RAI14: variants seen among roughly 807,000 people sequenced by gnomAD.
The protein encoded by RAI14 is ankycorbin.
RAI14 carries 45 observed loss-of-function variants against 115.4 expected under a neutral mutation model. The observed-to-expected ratio is 0.39, with a 90% CI of 0.31 to 0.50. The LOEUF (loss-of-function observed/expected upper bound fraction) is 0.50, where lower values mean the gene tolerates loss of function less well. RAI14 is among the 20% of genes least tolerant of loss of function. The pLI is 0.85. For synonymous variants in RAI14, 371 were observed against 415.4 expected, an observed-to-expected ratio of 0.89 and a Z score of 1.30; for missense variants, 939 against 1,131.2, an observed-to-expected ratio of 0.83 and a Z score of 2.44.
chr5:34,768,377 G>C (rs1749701224), intron 3 of RAI14, among the ~76,000 whole-genome samples: 1 of 152,116 alleles, frequency 6.6e-6, no homozygotes, highest in African/African-American at 2.4e-5. Context: ...TAAATACCTA[G>C]GTAACAAAAA....
intron 11 of RAI14, among the ~76,000 whole-genome samples, chr5:34,813,870 A>AG (rs1206348672): frequency 6.6e-6 from 1 of 152,242 alleles, no homozygotes; most frequent in African/African-American, 2.4e-5. Context: ...TTTTAAAAAA[A>AG]CAGTAGAATC....
intron 4 of RAI14, among the ~76,000 whole-genome samples, chr5:34,800,370 A>T (rs1215822719): frequency 6.6e-6 from 1 of 152,186 alleles, no homozygotes; most frequent in East Asian, 1.9e-4. Flanking sequence ...GCTGGAAGGC[A>T]CTTAGGATTG....
chr5:34,667,735 T>C (rs2149849915), intron 1 of RAI14, among the ~76,000 whole-genome samples: 2 of 152,018 alleles, frequency 1.3e-5, no homozygotes, highest in Middle Eastern at 3.4e-3. Flanking sequence ...AAGAAGAGGG[T>C]AAAAATTGGG....
chr5:34,799,274 C>T (rs1233414788), intron 4 of RAI14, among the ~76,000 whole-genome samples: 1 of 152,160 alleles, frequency 6.6e-6, no homozygotes, highest in Non-Finnish European at 1.5e-5. Flanking sequence ...TAGTGGTCAT[C>T]ACTAGTCCTA....
chr5:34,777,531 A>G (rs546537215), intron 3 of RAI14, among the ~76,000 whole-genome samples: 2 of 152,016 alleles, frequency 1.3e-5, no homozygotes, highest in East Asian at 3.9e-4. Context: ...TGTAATCCCA[A>G]CACTTTGGGA....
chr5:34,786,600 C>T (rs1752330703), intron 3 of RAI14, among the ~76,000 whole-genome samples: 1 of 152,178 alleles, frequency 6.6e-6, no homozygotes, highest in East Asian at 1.9e-4. Context: ...CAGTTGTTAC[C>T]CTGATGCTTC....
chr5:34,677,161 A>ATTTTTT (rs747450748), intron 1 of RAI14, among the ~76,000 whole-genome samples: 1 of 83,140 alleles, frequency 1.2e-5, no homozygotes, highest in East Asian at 5.5e-4. Flanking sequence ...TGACATTTCT[A>ATTTTTT]TTTTTTTTTT....
chr5:34,733,742 G>A (rs1294333340), intron 2 of RAI14, among the ~76,000 whole-genome samples: 2 of 152,208 alleles, frequency 1.3e-5, no homozygotes, highest in African/African-American at 4.8e-5. Flanking sequence ...TCACAGGGAA[G>A]GTGAATGAAC....
intron 3 of RAI14, among the ~76,000 whole-genome samples, chr5:34,782,265 G>C (rs1187777594): frequency 3.3e-5 from 5 of 152,112 alleles, no homozygotes; most frequent in African/African-American, 9.7e-5. Context: ...TTCCCAACAT[G>C]TCCCCCTTGT....
At position 34,720,634 on chromosome 5, in the gene RAI14, T is replaced by G. The variant is rs552987696; in HGVS notation, c.36+33679T>G. On this transcript the variant is annotated intron_variant, in intron 2 of 17. Transcript: ENST00000265109. ...ACCGTGTTAGCCAGGGTGGTCTCGA[T>G]CTCCTGACTTTGTGATCTGCCCACC... Among the ~76,000 whole-genome samples, 21 of 152,108 alleles carry G rather than the reference T, an allele frequency of 1.4e-4. No homozygotes were observed. In the East Asian group the frequency reaches 4.1e-3, roughly 30 times the overall value.
chr5:34,767,618 A>ACC (rs1211928594), intron 3 of RAI14, among the ~76,000 whole-genome samples: 4 of 41,132 alleles, frequency 9.7e-5, no homozygotes, highest in Non-Finnish European at 1.5e-4. Context: ...CACCCCCACC[A>ACC]CCCCCCACCC....
intron 3 of RAI14, among the ~76,000 whole-genome samples, chr5:34,789,847 T>A (rs1182967573): frequency 6.6e-6 from 1 of 152,220 alleles, no homozygotes; most frequent in Non-Finnish European, 1.5e-5. Flanking sequence ...GAAACTGAGA[T>A]AGAGCCTAAT....
At chr5:34,760,004 T>C (rs1748413340) in intron 3 of RAI14, among the ~76,000 whole-genome samples, 1 of 152,172 alleles carries the variant, frequency 6.6e-6, no homozygotes, top group African/African-American at 2.4e-5. Context: ...CCTGGAGTGC[T>C]TCTTTGTTGT....
At chr5:34,665,638 G>A (rs1743148336) in intron 1 of RAI14, among the ~76,000 whole-genome samples, 1 of 151,954 alleles carries the variant, frequency 6.6e-6, no homozygotes, top group South Asian at 2.1e-4. Flanking sequence ...AGAAACTGAT[G>A]TATGTACAAT....
rs546501968 is a variant in RAI14 at position 34,772,845 on chromosome 5, A to G, written c.167+15247A>G. Among the ~76,000 whole-genome samples, 4 of 152,346 alleles carry G rather than the reference A, an allele frequency of 2.6e-5. No individual in the cohort carries two copies. In the East Asian group the frequency reaches 5.8e-4, roughly 22 times the overall value. On this transcript the variant is annotated intron_variant, in intron 3 of 17. Coordinates refer to ENST00000265109, the MANE Select transcript of RAI14 (RefSeq NM_015577.3). ...GAGAGCGAGAGAAAGAGAGTGCACT[A>G]CAAAACTCTTATTAGCACTGAAACC...
intron 5 of RAI14, among the ~76,000 whole-genome samples, chr5:34,806,593 G>A (rs179844): frequency 0.3 from 45,602 of 151,582 alleles, 7,777 homozygotes; most frequent in African/African-American, 0.44. Flanking sequence ...TCCACTACAT[G>A]TGGGGTGAGG....
At chr5:34,780,173 T>G (rs1266947763) in intron 3 of RAI14, among the ~76,000 whole-genome samples, 1 of 152,134 alleles carries the variant, frequency 6.6e-6, no homozygotes, top group African/African-American at 2.4e-5. Flanking sequence ...TAGCCATATG[T>G]AGAAAGCTGA....
chr5:34,702,164 C>A (rs751579291), intron 2 of RAI14, among the ~76,000 whole-genome samples: 7 of 152,182 alleles, frequency 4.6e-5, no homozygotes, highest in African/African-American at 1.7e-4. Flanking sequence ...TCAGTTCTTA[C>A]ACATTTGTGA....
At chr5:34,682,016 C>T (rs1427738915) in intron 1 of RAI14, among the ~76,000 whole-genome samples, 8 of 151,924 alleles carry the variant, frequency 5.3e-5, no homozygotes, top group South Asian at 2.1e-4. Flanking sequence ...CCACCACGCC[C>T]GGCTAATTTT....
Sources: gnomAD v4.1 joint callset for allele counts (sites outside exome capture counted in the v4.1 genomes callset) on GRCh38, gnomAD v4.1.1 for gene constraint, MANE v1.5 for transcripts, NCBI Gene and HGNC (gene_info 2026-07-23, HGNC 2026-07-21) for gene names.